The following ADAMTSL3 variants were observed in gnomAD, a reference collection of about 807,000 sequenced individuals.
ADAMTSL3 encodes the protein ADAMTS-like protein 3.
In ADAMTSL3, 128 loss-of-function variants were observed where a neutral mutation model predicts 201.7. That is an observed-to-expected ratio of 0.63 (90% CI 0.55 to 0.73). ADAMTSL3 has a LOEUF of 0.73. Ranked by LOEUF, ADAMTSL3 falls within the 30% of genes least tolerant of loss-of-function variation. The pLI is 0.00. For synonymous variants in ADAMTSL3, 738 were observed against 748.4 expected (o/e 0.99, Z 0.23); for missense variants, 1,990 against 2,119.6 (o/e 0.94, Z 1.20).
intron 19 of ADAMTSL3, among the ~76,000 whole-genome samples, chr15:83,950,857 G>T (rs1419678961): frequency 3.3e-5 from 5 of 152,032 alleles, no homozygotes; most frequent in African/African-American, 1.2e-4. Context: ...TTTGTATCCT[G>T]CAACTTTACT....
chr15:83,721,635 T>G (rs951810343), intron 3 of ADAMTSL3, among the ~76,000 whole-genome samples: 3 of 152,302 alleles, frequency 2.0e-5, no homozygotes, highest in African/African-American at 7.2e-5. Flanking sequence ...GAAGGGGACC[T>G]CCAATTCTCT....
chr15:83,829,830 A>T (rs1286712663), intron 6 of ADAMTSL3, among the ~76,000 whole-genome samples: 1 of 152,014 alleles, frequency 6.6e-6, no homozygotes, highest in Non-Finnish European at 1.5e-5. Context: ...CATGTAGTTG[A>T]GTGGTTTTGA....
At chr15:83,804,763 TG>T in intron 5 of ADAMTSL3, 68 bp downstream of exon 5, 1 of 1,252,104 alleles carries the variant, frequency 8.0e-7, no homozygotes, top group African/African-American at 1.5e-5. Flanking sequence ...AATATTCCAA[TG>T]TGTACTCTAA....
At chr15:83,782,829 A>G (rs2063194262) in intron 4 of ADAMTSL3, among the ~76,000 whole-genome samples, 1 of 151,692 alleles carries the variant, frequency 6.6e-6, no homozygotes, top group Admixed American at 6.6e-5. Context: ...CCATGGGAAA[A>G]GTTTACCTAT....
In ADAMTSL3 at chr15:83,704,450, G is replaced by A. The variant is rs757231468; in HGVS notation, c.131G>A (p.Gly44Glu). ...CCCGAGTTTGCACTTTCTCCTCAGG[G>A]AAGTTTTCTGGAAGACACAACAGGG... Reference protein sequence around the residue: ...FLPEFALSPQGSFLEDTTGEQ... With the variant: ...FLPEFALSPQESFLEDTTGEQ... The change falls in exon 3 of 30, where the codon GGA becomes GAA. Residue 44 changes from glycine to glutamate, a missense_variant. By Grantham distance (98) the Gly-to-Glu change is moderately conservative. Coordinates refer to ENST00000286744, the MANE Select transcript of ADAMTSL3 (RefSeq NM_207517.3). 1.9e-6 allele frequency: 3 copies of A among 1,614,196 alleles called. No homozygotes were observed. The highest frequency in any genetic ancestry group is 2.2e-5 in the South Asian group (2 of 91,076).
At chr15:83,656,880 G>T (rs1295952991) in intron 2 of ADAMTSL3, among the ~76,000 whole-genome samples, 1 of 152,184 alleles carries the variant, frequency 6.6e-6, no homozygotes, top group African/African-American at 2.4e-5. Flanking sequence ...AGACTCCTCT[G>T]CCTCTTGTTT....
intron 23 of ADAMTSL3, among the ~76,000 whole-genome samples, chr15:83,998,011 G>A (rs1177080634): frequency 6.6e-6 from 1 of 151,684 alleles, no homozygotes. Flanking sequence ...ACCTAGTATT[G>A]GGAGGGAATC....
At chr15:83,879,056 A>G (rs1419966871) in intron 9 of ADAMTSL3, among the ~76,000 whole-genome samples, 2 of 152,182 alleles carry the variant, frequency 1.3e-5, no homozygotes, top group African/African-American at 4.8e-5. Flanking sequence ...CATACTTTTC[A>G]TAGCATTCTC....
intron 23 of ADAMTSL3, among the ~76,000 whole-genome samples, chr15:84,007,273 G>C (rs1211107426): frequency 6.6e-6 from 1 of 152,138 alleles, no homozygotes; most frequent in Non-Finnish European, 1.5e-5. Context: ...GAACCACCTC[G>C]AACTGGCTTA....
At chr15:83,837,883 A>C (rs1596298850) in intron 6 of ADAMTSL3, among the ~76,000 whole-genome samples, 1 of 142,456 alleles carries the variant, frequency 7.0e-6, no homozygotes, top group Middle Eastern at 3.2e-3. Context: ...AAATCTTAAT[A>C]TTAATATTTC....
chr15:83,751,027 A>C (rs1324891466), intron 3 of ADAMTSL3, among the ~76,000 whole-genome samples: 1 of 152,220 alleles, frequency 6.6e-6, no homozygotes, highest in Non-Finnish European at 1.5e-5. Flanking sequence ...GCTAATTGCC[A>C]GAGACACACT....
At chr15:83,844,855 A>T (rs188586360) in intron 7 of ADAMTSL3, among the ~76,000 whole-genome samples, 128 of 152,222 alleles carry the variant, frequency 8.4e-4, no homozygotes, top group Admixed American at 1.6e-3. Context: ...CAGACTGTGA[A>T]CTCCCTGGCC....
intron 27 of ADAMTSL3, 43 bp from the exon 28 acceptor site, chr15:84,031,292 T>G: frequency 2.5e-6 from 4 of 1,585,278 alleles, no homozygotes; most frequent in Non-Finnish European, 2.6e-6. Context: ...ACAGCATGGA[T>G]GAGCTTGCAG....
chr15:83,750,965 A>G (rs889708801), intron 3 of ADAMTSL3, among the ~76,000 whole-genome samples: 3 of 152,248 alleles, frequency 2.0e-5, no homozygotes, highest in Admixed American at 2.0e-4. Context: ...TTATTAATTC[A>G]TGCATTAATT....
chr15:83,990,777 A>G (rs556590330), intron 22 of ADAMTSL3, among the ~76,000 whole-genome samples: 1 of 151,768 alleles, frequency 6.6e-6, no homozygotes, highest in East Asian at 1.9e-4. Context: ...TTTTCAAATT[A>G]TCAAAGAGGA....
chr15:83,923,681 A>C (rs762116083), intron 16 of ADAMTSL3, among the ~76,000 whole-genome samples: 1 of 152,136 alleles, frequency 6.6e-6, no homozygotes, highest in Non-Finnish European at 1.5e-5. Context: ...AGAGGGAGTA[A>C]AGGGACTGAA....
Position 84,031,404 on chromosome 15 carries a change from T to C in ADAMTSL3, c.4726T>C (p.Ser1576Pro). The C allele has an allele frequency of 6.2e-7, 1 of 1,614,064 alleles. No individual in the cohort carries two copies. Among genetic ancestry groups the C allele is most frequent in the South Asian group, 1.1e-5 (1 of 91,084 alleles). ...QRHTACQHNS[S>P]DSNCDDRKRP... is the part of the protein sequence containing the mutation. ...TCACACAGCTTGTCAACACAACAGC[T>C]CTGACTCCAACTGTGATGACAGAAA... The change falls in exon 28 of 30, where the codon TCT becomes CCT. Residue 1576 changes from serine to proline, a missense_variant. Ser to Pro is a moderately conservative substitution (Grantham distance 74). Coordinates refer to ENST00000286744, the MANE Select transcript of ADAMTSL3 (RefSeq NM_207517.3).
intron 3 of ADAMTSL3, among the ~76,000 whole-genome samples, chr15:83,706,282 C>T (rs2061850050): frequency 6.6e-6 from 1 of 152,026 alleles, no homozygotes; most frequent in Admixed American, 6.6e-5. Context: ...AACATAATAA[C>T]AATATAAAAG....
intron 23 of ADAMTSL3, among the ~76,000 whole-genome samples, chr15:84,001,178 A>G (rs2067786233): frequency 1.3e-5 from 2 of 152,190 alleles, no homozygotes; most frequent in Non-Finnish European, 2.9e-5. Context: ...GTCAGCAGAC[A>G]TATCTGGCAT....
Sources: gnomAD v4.1 joint callset for allele counts (sites outside exome capture counted in the v4.1 genomes callset) on GRCh38, gnomAD v4.1.1 for gene constraint, MANE v1.5 for transcripts, NCBI Gene and HGNC (gene_info 2026-07-23, HGNC 2026-07-21) for gene names.